ZNF521: variants seen among roughly 807,000 people sequenced by gnomAD.
The protein encoded by ZNF521 is LYST-interacting protein 3.
Under a neutral mutation model 105.5 loss-of-function variants are expected in ZNF521, and 14 were observed. The ratio of observed to expected loss-of-function variants is 0.13; its 90% CI spans 0.09 to 0.21. The LOEUF (loss-of-function observed/expected upper bound fraction) is 0.21. ZNF521 is among the 10% of genes least tolerant of loss of function. The pLI, the probability that ZNF521 is intolerant of heterozygous loss-of-function variation, is 1.00. For missense variants in ZNF521, 1,233 were observed against 1,629.7 expected, an observed-to-expected ratio of 0.76 and a Z score of 4.19; for synonymous variants, 635 against 606.0, an observed-to-expected ratio of 1.05 and a Z score of -0.70.
intron 7 of ZNF521, among the ~76,000 whole-genome samples, chr18:25,070,104 C>CAGA (rs2033180260): frequency 6.6e-6 from 1 of 152,094 alleles, no homozygotes; most frequent in Non-Finnish European, 1.5e-5. Context: ...CAGAAGCGAT[C>CAGA]AGAAGAATAC....
At chr18:25,347,310 T>C (rs1914506887) in intron 2 of ZNF521, among the ~76,000 whole-genome samples, 1 of 152,190 alleles carries the variant, frequency 6.6e-6, no homozygotes, top group South Asian at 2.1e-4. Context: ...CAATTCTCTA[T>C]TTCATTAAAT....
At chr18:25,175,860 C>T (rs1188991645) in intron 5 of ZNF521, among the ~76,000 whole-genome samples, 1 of 152,120 alleles carries the variant, frequency 6.6e-6, no homozygotes, top group East Asian at 1.9e-4. Flanking sequence ...GGAAAGTTTC[C>T]TAGGACTTCG....
chr18:25,119,021 A>C lies in ZNF521; in HGVS notation c.3659-26940T>G, dbSNP rs535633134. 7.2e-5 allele frequency among the ~76,000 whole-genome samples: 11 copies of C among 152,138 alleles called. No homozygotes were observed. The South Asian group carries it at 1.4e-3, about 20-fold the overall frequency. On this transcript the variant is annotated intron_variant, in intron 5 of 7. Coordinates refer to ENST00000361524, the MANE Select transcript of ZNF521 (RefSeq NM_015461.3). ...ATCATATTGCCAGAGATAAAAAGAG[A>C]TATTTCATAATGCAAAATAAGCCAA...
intron 2 of ZNF521, among the ~76,000 whole-genome samples, chr18:25,350,287 A>T (rs970701720): frequency 6.6e-6 from 1 of 151,720 alleles, no homozygotes; most frequent in Admixed American, 6.6e-5. Context: ...GGGAATGGCC[A>T]AGAGGGGTGC....
chr18:25,292,738 A>G (rs1911107378), intron 3 of ZNF521, among the ~76,000 whole-genome samples: 1 of 152,230 alleles, frequency 6.6e-6, no homozygotes, highest in African/African-American at 2.4e-5. Context: ...AACAAGCTAC[A>G]ACTTTACTGG....
chr18:25,190,250 A>AT (rs544743413), intron 5 of ZNF521, among the ~76,000 whole-genome samples: 23 of 151,620 alleles, frequency 1.5e-4, no homozygotes, highest in African/African-American at 4.1e-4. Context: ...TCAAATAAGG[A>AT]TTTTTTTTAA....
chr18:25,309,829 A>G (rs1912195614), intron 3 of ZNF521, among the ~76,000 whole-genome samples: 1 of 152,212 alleles, frequency 6.6e-6, no homozygotes, highest in Non-Finnish European at 1.5e-5. Flanking sequence ...ATAAAAATAT[A>G]CACTTTAAAT....
intron 3 of ZNF521, among the ~76,000 whole-genome samples, chr18:25,261,406 C>A (rs1268615188): frequency 1.3e-5 from 2 of 152,072 alleles, no homozygotes; most frequent in African/African-American, 4.8e-5. Flanking sequence ...TGCTATTTGC[C>A]ATTCTTGTCA....
At chr18:25,160,843 T>G (rs989234450) in intron 5 of ZNF521, among the ~76,000 whole-genome samples, 34 of 152,138 alleles carry the variant, frequency 2.2e-4, no homozygotes, top group African/African-American at 8.0e-4. Context: ...GTGTTTTTTC[T>G]GTTAAGAGAT....
chr18:25,120,347 C>G (rs1373700490), intron 5 of ZNF521, among the ~76,000 whole-genome samples: 1 of 152,106 alleles, frequency 6.6e-6, no homozygotes, highest in Non-Finnish European at 1.5e-5. Flanking sequence ...CTTTGGGAGG[C>G]CAAGGTGGGC....
chr18:25,351,936 GAGGAGGAGGAGAGCCGGGAGC>G, intron 1 of ZNF521, 48 bp downstream of exon 1: 1 of 303,452 alleles, frequency 3.3e-6, no homozygotes, highest in Non-Finnish European at 6.8e-6. Context: ...GCAGGAGGAG[GAGGAGGAGGAGAGCCGGGAGC>G]AGGAGGAGGA....
chr18:25,334,171 A>G (rs970671180), intron 2 of ZNF521, among the ~76,000 whole-genome samples: 7 of 148,118 alleles, frequency 4.7e-5, no homozygotes, highest in African/African-American at 1.8e-4. Context: ...ACAATTACAG[A>G]TTTGTCAGGA....
At chr18:25,218,979 T>G (rs1258470200) in intron 4 of ZNF521, among the ~76,000 whole-genome samples, 1 of 152,168 alleles carries the variant, frequency 6.6e-6, no homozygotes, top group Non-Finnish European at 1.5e-5. Context: ...TTCTTCCTCT[T>G]CTGCAGCCTA....
intron 3 of ZNF521, among the ~76,000 whole-genome samples, chr18:25,305,027 G>A (rs1911894802): frequency 6.6e-6 from 1 of 152,122 alleles, no homozygotes; most frequent in South Asian, 2.1e-4. Flanking sequence ...TCTTTAATAT[G>A]TTTGATGTGC....
chr18:25,177,969 A>G (rs2035562720), intron 5 of ZNF521, among the ~76,000 whole-genome samples: 1 of 152,206 alleles, frequency 6.6e-6, no homozygotes, highest in South Asian at 2.1e-4. Context: ...CGACATATAC[A>G]AAATGTAAAA....
At chr18:25,179,820 C>T (rs1348427037) in intron 5 of ZNF521, among the ~76,000 whole-genome samples, 1 of 152,126 alleles carries the variant, frequency 6.6e-6, no homozygotes, top group Non-Finnish European at 1.5e-5. Context: ...AAGAGACTGA[C>T]GGTGGGTACA....
rs759561709 is a variant in ZNF521 at position 25,351,957 on chromosome 18, C to T, written c.-2+48G>A. 7.4e-5 allele frequency: 25 copies of T among 336,586 alleles called. 1 individual carries two copies. Among genetic ancestry groups the T allele is most frequent in the Non-Finnish European group, 1.5e-4 (24 of 163,232 alleles). The allele number at this position is 336,586 out of a possible 1,614,324, so 20.8% of individuals were successfully genotyped here. A position where few individuals can be genotyped will look rare whatever the true frequency, so the allele number is the denominator to read the frequency against. The stretch of plus-strand genomic sequence containing the variant: ...GGAGGAGGAGGAGGAGAGCCGGGAG[C>T]AGGAGGAGGAGAAGGAGTGTGCTGT... On this transcript the variant is annotated intron_variant, in intron 1 of 7. Coordinates refer to ENST00000361524, the MANE Select transcript of ZNF521 (RefSeq NM_015461.3).
chr18:25,351,376 C>A (rs1051114265), intron 1 of ZNF521: 1 of 149,562 alleles, frequency 6.7e-6, no homozygotes, highest in South Asian at 2.1e-4. Flanking sequence ...ATAGTTCATG[C>A]GAATAGAAAA....
At chr18:25,301,310 T>C (rs1911629530) in intron 3 of ZNF521, among the ~76,000 whole-genome samples, 1 of 152,188 alleles carries the variant, frequency 6.6e-6, no homozygotes, top group African/African-American at 2.4e-5. Flanking sequence ...CCTCCTGCCC[T>C]CTGTACCCTT....
Sources: gnomAD v4.1 joint callset for allele counts (sites outside exome capture counted in the v4.1 genomes callset) on GRCh38, gnomAD v4.1.1 for gene constraint, MANE v1.5 for transcripts, NCBI Gene and HGNC (gene_info 2026-07-23, HGNC 2026-07-21) for gene names.